The following DAZL variants were observed in gnomAD, a reference collection of about 807,000 sequenced individuals.
DAZL encodes deleted in azoospermia like, also known as deleted in azoospermia-like.
DAZL carries 4 observed loss-of-function variants against 45.0 expected under a neutral mutation model. The ratio of observed to expected loss-of-function variants is 0.09; its 90% CI spans 0.04 to 0.20. DAZL has a LOEUF of 0.20. DAZL is among the 10% of genes least tolerant of loss of function. The pLI is 1.00. For missense variants in DAZL, 326 were observed against 351.3 expected (o/e 0.93, Z 0.58); for synonymous variants, 122 against 112.4 (o/e 1.09, Z -0.54).
At chr3:16,593,172 A>G (rs1386114528) in intron 9 of DAZL, among the ~76,000 whole-genome samples, 2 of 152,240 alleles carry the variant, frequency 1.3e-5, no homozygotes, top group Admixed American at 6.5e-5. Flanking sequence ...ACCTTCCCAT[A>G]ACATTCTGCC....
intron 1 of DAZL, chr3:16,604,321 A>C (rs1575421487): frequency 1.1e-6 from 1 of 904,620 alleles, no homozygotes; most frequent in Non-Finnish European, 1.7e-6. Context: ...AAAAACGCAC[A>C]CCCAACGCTA....
intron 10 of DAZL, among the ~76,000 whole-genome samples, chr3:16,591,109 T>C (rs1057435047): frequency 6.6e-6 from 1 of 152,226 alleles, no homozygotes; most frequent in Non-Finnish European, 1.5e-5. Flanking sequence ...ACCAAGTTAG[T>C]TCTTTTTCCT....
rs766915758 is a variant in DAZL, at chr3:16,592,113, A to C, written c.771T>G (p.Ser257=). 24 of 1,613,694 alleles carry C rather than the reference A, an allele frequency of 1.5e-5. No homozygotes were observed. The highest frequency in any genetic ancestry group is 1.9e-5 in the Non-Finnish European group (22 of 1,179,898). Residue 257 remains serine (S), a synonymous_variant, in exon 10 of 11, where the codon TCT becomes TCG. Transcript: ENST00000399444. The stretch of plus-strand genomic sequence containing the variant: ...GTCTGTTCTCTGGATTAAACAGACA[A>C]GATACCACCGTTTGTATGCTTCGGT... The part of the protein sequence containing the change: ...SVDRSIQTVV[S]CLFNPENRLR...
chr3:16,588,931 C>G (rs530886338), intron 10 of DAZL, among the ~76,000 whole-genome samples: 4 of 151,636 alleles, frequency 2.6e-5, no homozygotes, highest in Non-Finnish European at 4.4e-5. Context: ...AAAAAGAAAT[C>G]AATTAAAAAA....
intron 1 of DAZL, among the ~76,000 whole-genome samples, chr3:16,601,677 C>G (rs1389083089): frequency 6.6e-6 from 1 of 152,154 alleles, no homozygotes; most frequent in Non-Finnish European, 1.5e-5. Flanking sequence ...ATCCTGAAAA[C>G]AAACTGCATT....
At chr3:16,598,696 T>A in intron 1 of DAZL, 98 bp from the exon 2 acceptor site, 2 of 1,256,422 alleles carry the variant, frequency 1.6e-6, no homozygotes, top group Non-Finnish European at 2.1e-6. Context: ...AAATATTTTA[T>A]ATAAATTACT....
intron 6 of DAZL, among the ~76,000 whole-genome samples, 163 bp from the exon 7 acceptor site, chr3:16,595,548 TTC>T (rs1694586464): frequency 6.6e-6 from 1 of 152,056 alleles, no homozygotes; most frequent in Non-Finnish European, 1.5e-5. Context: ...GAAAGAAATA[TTC>T]TCTGTCAAGT....
chr3:16,594,174 G>T (rs1694562840), intron 8 of DAZL, among the ~76,000 whole-genome samples: 1 of 151,986 alleles, frequency 6.6e-6, no homozygotes, highest in Middle Eastern at 3.4e-3. Flanking sequence ...CTCTTCAACA[G>T]TTTTTTTTAT....
chr3:16,599,892 A>C (rs1694657159), intron 1 of DAZL, among the ~76,000 whole-genome samples: 1 of 152,228 alleles, frequency 6.6e-6, no homozygotes, highest in Non-Finnish European at 1.5e-5. Context: ...ATCTCTGGGC[A>C]AACTGCTTTG....
rs1442971786 is a variant in DAZL at position 16,597,149 on chromosome 3, T to C, written c.295-98A>G. On this transcript the variant is annotated intron_variant, in intron 4 of 10. Transcript: ENST00000399444. ...AAGTCTTCTAAAATTCCTATTATCA[T>C]AGAAGATCAGTGATAACTACACACC... 13 of 1,356,106 alleles carry C rather than the reference T, an allele frequency of 9.6e-6. No individual in the cohort carries two copies. In the African/African-American group the frequency reaches 1.2e-4, roughly 12 times the overall value. 84.0% of individuals were successfully genotyped at this position (1,356,106 alleles called of 1,614,324 possible).
chr3:16,594,575 T>C lies in DAZL; in HGVS notation c.579A>G (p.Pro193=), dbSNP rs752822009. ...TCCTTTGCTCCCCAACAGGCCACTGTGGTGGCATCTTAAAAAAAAAAAAAA... is the reference window on the plus strand; with the variant it reads ...TCCTTTGCTCCCCAACAGGCCACTGCGGTGGCATCTTAAAAAAAAAAAAAA... ...QLPVYNYQMP[P]QWPVGEQRSY... The change falls in exon 8 of 11, where the codon CCA becomes CCG. Residue 193 remains proline, a synonymous_variant. Transcript: ENST00000399444. The C allele has an allele frequency of 1.3e-6, 2 of 1,568,172 alleles. No individual in the cohort carries two copies. The highest frequency in any genetic ancestry group is 2.3e-5 in the East Asian group (1 of 44,264).
chr3:16,591,714 G>GT (rs1694521638), intron 10 of DAZL, among the ~76,000 whole-genome samples: 1 of 152,126 alleles, frequency 6.6e-6, no homozygotes, highest in African/African-American at 2.4e-5. Flanking sequence ...GATTACAGGC[G>GT]TGAGCCACTG....
At position 16,605,344 on chromosome 3, in the gene DAZL, G is replaced by C. The variant is rs1694763193; in HGVS notation, c.-139C>G. On this transcript the variant is annotated 5_prime_UTR_variant, in exon 1 of 11. Transcript: ENST00000399444. ...TGGTCAAAGGAGCCAAAGATGAAGA[G>C]AAAAGGAAAACCAAGAGCGGGTGAC... 6.5e-6 allele frequency: 7 copies of C among 1,079,410 alleles called. No individual in the cohort carries two copies. The highest frequency in any genetic ancestry group is 1.8e-5 in the Admixed American group (1 of 56,688). The allele number at this position is 1,079,410 out of a possible 1,614,324, so 66.9% of individuals were successfully genotyped here.
intron 10 of DAZL, among the ~76,000 whole-genome samples, chr3:16,591,551 T>A (rs1053211803): frequency 1.3e-5 from 2 of 151,608 alleles, no homozygotes; most frequent in Non-Finnish European, 2.9e-5. Flanking sequence ...TACCTCAGCC[T>A]CCCTCTGAAG....
intron 1 of DAZL, among the ~76,000 whole-genome samples, chr3:16,602,863 G>A (rs1050561075): frequency 1.3e-5 from 2 of 152,094 alleles, no homozygotes; most frequent in African/African-American, 4.8e-5. Context: ...TAGGAATAAG[G>A]TAAGGGCACC....
intron 10 of DAZL, among the ~76,000 whole-genome samples, chr3:16,589,725 A>T (rs1429316492): frequency 6.6e-6 from 1 of 152,250 alleles, no homozygotes; most frequent in East Asian, 1.9e-4. Context: ...CTGGGAGTTT[A>T]AAGGGAGTCT....
chr3:16,601,133 G>A (rs1229540263), intron 1 of DAZL, among the ~76,000 whole-genome samples: 4 of 152,202 alleles, frequency 2.6e-5, no homozygotes, highest in African/African-American at 9.6e-5. Flanking sequence ...CCATTGTTCA[G>A]TAAAGTAAGT....
chr3:16,605,263 C>T lies in DAZL; in HGVS notation c.-58G>A. The T allele has an allele frequency of 2.5e-6, 4 of 1,610,572 alleles. No individual in the cohort carries two copies. The highest frequency in any genetic ancestry group is 2.5e-6 in the Non-Finnish European group (3 of 1,176,788). ...CAGGAGGAGCAGAGGCTGTGCTTGGCGCACCACTTCTGGGGCTGCTGTGAG... is the reference window on the plus strand; with the variant it reads ...CAGGAGGAGCAGAGGCTGTGCTTGGTGCACCACTTCTGGGGCTGCTGTGAG... On this transcript the variant is annotated 5_prime_UTR_variant, in exon 1 of 11. Coordinates refer to ENST00000399444, the MANE Select transcript of DAZL (RefSeq NM_001351.4).
Position 16,598,437 on chromosome 3 carries a change from G to A in DAZL, c.150+15C>T, listed in dbSNP as rs961306882. Reference sequence around the variant, plus strand: ...TAATGCATTTCAAGGTAAAAATGAGGTATGAATACAATACCCTAACATCAA... The same window carrying A: ...TAATGCATTTCAAGGTAAAAATGAGATATGAATACAATACCCTAACATCAA... On this transcript the variant is annotated intron_variant, in intron 2 of 10. Transcript: ENST00000399444. 6.2e-7 allele frequency: 1 copy of A among 1,605,194 alleles called. No homozygotes were observed.
Sources: gnomAD v4.1 joint callset for allele counts (sites outside exome capture counted in the v4.1 genomes callset) on GRCh38, gnomAD v4.1.1 for gene constraint, MANE v1.5 for transcripts, NCBI Gene and HGNC (gene_info 2026-07-23, HGNC 2026-07-21) for gene names.